The following MSI2 variants were observed in gnomAD, a reference collection of about 807,000 sequenced individuals.
MSI2 encodes RNA-binding protein Musashi homolog 2.
A neutral mutation model predicts 45.6 loss-of-function variants in MSI2; 17 were observed. The observed-to-expected ratio is 0.37, with a 90% confidence interval of 0.26 to 0.56. The LOEUF is 0.56. Ranked by LOEUF, MSI2 falls within the 20% of genes least tolerant of loss-of-function variation. The pLI, the probability that MSI2 is intolerant of heterozygous loss-of-function variation, is 0.77. For synonymous variants in MSI2, 156 were observed against 158.2 expected, an observed-to-expected ratio of 0.99 and a Z score of 0.11; for missense variants, 293 against 444.2, an observed-to-expected ratio of 0.66 and a Z score of 3.06.
chr17:57,616,204 T>G, intron 9 of MSI2, 120 bp downstream of exon 9: 1 of 683,540 alleles, frequency 1.5e-6, no homozygotes, highest in Non-Finnish European at 2.6e-6. Flanking sequence ...TCAGTTTCCT[T>G]GTCTGTAGAT....
intron 10 of MSI2, among the ~76,000 whole-genome samples, chr17:57,647,898 T>C (rs1408624081): frequency 2.0e-5 from 3 of 146,532 alleles, no homozygotes; most frequent in Non-Finnish European, 3.1e-5. Flanking sequence ...CGCCTCAGCC[T>C]CCCAAAGTGC....
At chr17:57,460,206 C>A (rs9904682) in intron 6 of MSI2, among the ~76,000 whole-genome samples, 49,413 of 151,676 alleles carry the variant, frequency 0.33, 8,363 homozygotes, top group African/African-American at 0.37. Context: ...TGCCTGTAGT[C>A]CCAGCTACTT....
At chr17:57,350,328 C>G (rs1281977720) in intron 5 of MSI2, among the ~76,000 whole-genome samples, 1 of 151,776 alleles carries the variant, frequency 6.6e-6, no homozygotes, top group Non-Finnish European at 1.5e-5. Context: ...AGAGTCCAGA[C>G]ATGGTGCTCT....
intron 7 of MSI2, among the ~76,000 whole-genome samples, chr17:57,531,396 C>T (rs575774021): frequency 2.6e-4 from 40 of 152,290 alleles, no homozygotes; most frequent in African/African-American, 9.6e-4. Flanking sequence ...TCATCACCTC[C>T]GTCCGGTTGG....
At chr17:57,593,873 G>A (rs911429922) in intron 7 of MSI2, among the ~76,000 whole-genome samples, 2 of 152,180 alleles carry the variant, frequency 1.3e-5, no homozygotes, top group Admixed American at 1.3e-4. Flanking sequence ...AGAGGGAGAC[G>A]CTGTCCCTGC....
At chr17:57,574,265 G>C (rs1352469186) in intron 7 of MSI2, among the ~76,000 whole-genome samples, 1 of 152,162 alleles carries the variant, frequency 6.6e-6, no homozygotes, top group African/African-American at 2.4e-5. Flanking sequence ...CTCCACCACT[G>C]CCAGCTTCTC....
At chr17:57,586,570 C>T (rs192613415) in intron 7 of MSI2, among the ~76,000 whole-genome samples, 12 of 152,122 alleles carry the variant, frequency 7.9e-5, no homozygotes, top group African/African-American at 2.4e-4. Context: ...ATTGCTTTCG[C>T]GTAAGGATTT....
intron 10 of MSI2, among the ~76,000 whole-genome samples, chr17:57,647,702 T>G (rs1910788327): frequency 6.6e-6 from 1 of 151,732 alleles, no homozygotes; most frequent in South Asian, 2.1e-4. Context: ...TGGAGTGCAG[T>G]GATGCGATCT....
chr17:57,657,458 TC>T (rs766628691), intron 11 of MSI2, among the ~76,000 whole-genome samples: 2 of 152,100 alleles, frequency 1.3e-5, no homozygotes, highest in South Asian at 4.2e-4. Context: ...GAAAATCCCC[TC>T]CCACTGGCCT....
At chr17:57,350,276 G>C (rs1915924016) in intron 5 of MSI2, among the ~76,000 whole-genome samples, 1 of 149,122 alleles carries the variant, frequency 6.7e-6, no homozygotes, top group African/African-American at 2.5e-5. Flanking sequence ...ATGTTACTGT[G>C]GACCATATGT....
intron 6 of MSI2, among the ~76,000 whole-genome samples, chr17:57,484,942 C>T (rs2085722835): frequency 6.6e-6 from 1 of 152,214 alleles, no homozygotes; most frequent in Non-Finnish European, 1.5e-5. Context: ...TGTAAACTCC[C>T]CTGGGTTTTA....
intron 9 of MSI2, among the ~76,000 whole-genome samples, chr17:57,623,623 G>A (rs1243871698): frequency 6.6e-6 from 1 of 152,230 alleles, no homozygotes; most frequent in African/African-American, 2.4e-5. Flanking sequence ...TAATTACTGT[G>A]GGATTGATCA....
At chr17:57,422,785 A>G (rs1453549578) in intron 6 of MSI2, among the ~76,000 whole-genome samples, 2 of 152,166 alleles carry the variant, frequency 1.3e-5, no homozygotes, top group African/African-American at 4.8e-5. Context: ...CCTTTTTTTC[A>G]TTTTAATTTG....
chr17:57,438,800 A>AGTTT (rs2084739792), intron 6 of MSI2, among the ~76,000 whole-genome samples: 1 of 145,018 alleles, frequency 6.9e-6, no homozygotes, highest in South Asian at 2.2e-4. Flanking sequence ...TCCCATAGGA[A>AGTTT]TTTTTTTTTT....
At position 57,525,201 on chromosome 17, in the gene MSI2, G is replaced by C. The variant is rs62058095; in HGVS notation, c.406-4475G>C. Among the ~76,000 whole-genome samples the C allele has an allele frequency of 6.6e-3, 1,010 of 152,232 alleles. 7 individuals carry two copies. The highest frequency in any genetic ancestry group is 0.011 in the Non-Finnish European group (716 of 68,016). On this transcript the variant is annotated intron_variant, in intron 6 of 13. Coordinates refer to ENST00000284073, the MANE Select transcript of MSI2 (RefSeq NM_138962.4). Reference sequence around the variant, plus strand: ...GTCAGAAATATGTTCAATACCTTCTGGTGTCAGGACAAAGACAGAGGCATC... The same window carrying C: ...GTCAGAAATATGTTCAATACCTTCTCGTGTCAGGACAAAGACAGAGGCATC...
chr17:57,446,016 C>T (rs997577833), intron 6 of MSI2, among the ~76,000 whole-genome samples: 1 of 152,094 alleles, frequency 6.6e-6, no homozygotes, highest in Non-Finnish European at 1.5e-5. Flanking sequence ...GCTCTTTGCT[C>T]TCATGAAGTT....
intron 5 of MSI2, among the ~76,000 whole-genome samples, chr17:57,282,925 G>A (rs578096108): frequency 1.2e-4 from 17 of 144,574 alleles, no homozygotes; most frequent in Non-Finnish European, 1.9e-4. Flanking sequence ...TAATTGAGGC[G>A]GCATCTGGGC....
At chr17:57,589,586 GC>G (rs1904633396) in intron 7 of MSI2, among the ~76,000 whole-genome samples, 1 of 152,222 alleles carries the variant, frequency 6.6e-6, no homozygotes, top group Non-Finnish European at 1.5e-5. Context: ...TGGACGCACA[GC>G]CAACTGGGGC....
intron 5 of MSI2, among the ~76,000 whole-genome samples, chr17:57,358,586 T>A (rs527408108): frequency 1.3e-5 from 2 of 152,140 alleles, no homozygotes; most frequent in South Asian, 4.2e-4. Context: ...GTCATTAGCG[T>A]TTGGAGGGGG....
Sources: gnomAD v4.1 joint callset for allele counts (sites outside exome capture counted in the v4.1 genomes callset) on GRCh38, gnomAD v4.1.1 for gene constraint, MANE v1.5 for transcripts, NCBI Gene and HGNC (gene_info 2026-07-23, HGNC 2026-07-21) for gene names.